The following ERBB4 variants were observed in gnomAD, a reference collection of about 807,000 sequenced individuals.
ERBB4 encodes the protein erb-b2 receptor tyrosine kinase 4, also known as receptor tyrosine-protein kinase erbB-4.
Under a neutral mutation model 158.0 loss-of-function variants are expected in ERBB4, and 42 were observed. The observed-to-expected ratio is 0.27, with a 90% CI of 0.21 to 0.34. The LOEUF is 0.34. ERBB4 is among the 10% of genes least tolerant of loss of function. The pLI, the probability that ERBB4 is intolerant of heterozygous loss-of-function variation, is 1.00. For synonymous variants in ERBB4, 583 were observed against 558.7 expected (o/e 1.04, Z -0.61); for missense variants, 1,333 against 1,624.1 (o/e 0.82, Z 3.08).
At chr2:211,550,594 T>TATATATATATATATATATAA (rs1256961213) in intron 20 of ERBB4, among the ~76,000 whole-genome samples, 6 of 145,270 alleles carry the variant, frequency 4.1e-5, no homozygotes, top group South Asian at 4.2e-4. Context: ...TATATATATA[T>TATATATATATATATATATAA]AAATATATAG....
intron 20 of ERBB4, among the ~76,000 whole-genome samples, chr2:211,481,474 A>C (rs1474502154): frequency 6.6e-6 from 1 of 152,130 alleles, no homozygotes; most frequent in Non-Finnish European, 1.5e-5. Flanking sequence ...ACTGAAGTTC[A>C]GGGAGCTGAA....
intron 3 of ERBB4, among the ~76,000 whole-genome samples, chr2:211,794,212 A>G (rs1370153282): frequency 6.6e-6 from 1 of 151,846 alleles, no homozygotes; most frequent in Non-Finnish European, 1.5e-5. Flanking sequence ...ATCCACTACA[A>G]TTCTTAGCTT....
intron 2 of ERBB4, among the ~76,000 whole-genome samples, chr2:212,014,673 C>G (rs2076466829): frequency 6.6e-6 from 1 of 152,080 alleles, no homozygotes; most frequent in Admixed American, 6.5e-5. Flanking sequence ...AACATGGAGA[C>G]ATAGCCTCTT....
chr2:211,746,380 G>A (rs1363606633), intron 5 of ERBB4, among the ~76,000 whole-genome samples: 1 of 152,190 alleles, frequency 6.6e-6, no homozygotes, highest in Non-Finnish European at 1.5e-5. Context: ...CACAGTGGCC[G>A]TTAAGCCAAT....
chr2:211,554,598 C>G (rs137905040), intron 20 of ERBB4, among the ~76,000 whole-genome samples: 1 of 152,336 alleles, frequency 6.6e-6, no homozygotes, highest in African/African-American at 2.4e-5. Context: ...TACTGTCTGC[C>G]TGTTGTCACA....
rs998011549 is a variant in ERBB4, at chr2:211,405,834, T to G, written c.3135+14607A>C. Among the ~76,000 whole-genome samples, 86 of 152,300 alleles carry G rather than the reference T, an allele frequency of 5.6e-4. 1 individual carries two copies. The highest frequency in any genetic ancestry group is 2.0e-3 in the African/African-American group (85 of 41,572). ...ATTCCTATCTAATGACTATATCTAC[T>G]TATGTTTTAAAATATTAATTACATC... is the stretch of plus-strand genomic sequence containing the variant. On this transcript the variant is annotated intron_variant, in intron 25 of 27. Coordinates refer to ENST00000342788, the MANE Select transcript of ERBB4 (RefSeq NM_005235.3).
At chr2:211,510,400 G>A (rs2065857466) in intron 20 of ERBB4, among the ~76,000 whole-genome samples, 1 of 151,992 alleles carries the variant, frequency 6.6e-6, no homozygotes, top group African/African-American at 2.4e-5. Flanking sequence ...TAAACTAGAA[G>A]CCCAAACCTC....
At chr2:211,767,824 G>T (rs1395068210) in intron 4 of ERBB4, among the ~76,000 whole-genome samples, 1 of 152,124 alleles carries the variant, frequency 6.6e-6, no homozygotes, top group Admixed American at 6.5e-5. Flanking sequence ...AGATTTGGGT[G>T]AGGACACAGC....
At chr2:211,964,715 T>A (rs2081266922) in intron 2 of ERBB4, among the ~76,000 whole-genome samples, 1 of 152,070 alleles carries the variant, frequency 6.6e-6, no homozygotes, top group African/African-American at 2.4e-5. Context: ...TTACCTCAAA[T>A]CCCTGTTAGA....
At chr2:211,833,172 C>A (rs888055181) in intron 3 of ERBB4, among the ~76,000 whole-genome samples, 1 of 152,086 alleles carries the variant, frequency 6.6e-6, no homozygotes, top group Admixed American at 6.6e-5. Flanking sequence ...ATCAGGATGA[C>A]CTTGGGTGCA....
chr2:212,013,292 G>A (rs1278650152), intron 2 of ERBB4, among the ~76,000 whole-genome samples: 6 of 152,140 alleles, frequency 3.9e-5, no homozygotes, highest in East Asian at 3.9e-4. Context: ...TTAACATTCC[G>A]AAGAAGATTA....
chr2:211,404,159 T>C (rs1477216523), intron 25 of ERBB4, among the ~76,000 whole-genome samples: 1 of 152,112 alleles, frequency 6.6e-6, no homozygotes, highest in Non-Finnish European at 1.5e-5. Context: ...TTCAGCGTTA[T>C]TTTTGCAACT....
At chr2:211,569,044 T>C (rs1189447160) in intron 19 of ERBB4, among the ~76,000 whole-genome samples, 1 of 152,212 alleles carries the variant, frequency 6.6e-6, no homozygotes, top group African/African-American at 2.4e-5. Flanking sequence ...TGTGTCCACA[T>C]TGCTCAGTAG....
chr2:211,613,562 C>A (rs528357953), intron 19 of ERBB4, among the ~76,000 whole-genome samples: 1 of 152,000 alleles, frequency 6.6e-6, no homozygotes, highest in African/African-American at 2.4e-5. Flanking sequence ...TCAAACAATT[C>A]TATACGAAAA....
rs2080690842 is a variant in ERBB4, at chr2:212,146,860, C to T, written c.83-21957G>A. On this transcript the variant is annotated intron_variant, in intron 1 of 27. Coordinates refer to ENST00000342788, the MANE Select transcript of ERBB4 (RefSeq NM_005235.3). ...TTCCCACCCAGTTATCCCTTAACAC[C>T]CAAGAATCTCTCTATCTAAAAAGGC... 4.6e-5 allele frequency among the ~76,000 whole-genome samples: 7 copies of T among 152,076 alleles called. No homozygotes were observed. The South Asian group carries it at 1.5e-3, about 32-fold the overall frequency.
At chr2:211,696,033 T>G in intron 12 of ERBB4, among the ~76,000 whole-genome samples, 1 of 143,668 alleles carries the variant, frequency 7.0e-6, no homozygotes, top group Admixed American at 6.9e-5. Flanking sequence ...TCTTCCTTCC[T>G]TCCCTCCTTC....
intron 3 of ERBB4, among the ~76,000 whole-genome samples, chr2:211,930,022 T>G (rs2080130545): frequency 6.6e-6 from 1 of 152,206 alleles, no homozygotes; most frequent in Non-Finnish European, 1.5e-5. Context: ...AACTTTGAAA[T>G]AGGTATGACC....
At chr2:212,352,572 G>T (rs2106343802) in intron 1 of ERBB4, among the ~76,000 whole-genome samples, 1 of 152,154 alleles carries the variant, frequency 6.6e-6, no homozygotes, top group African/African-American at 2.4e-5. Context: ...GAAATAAAAT[G>T]AATTTAATGA....
At chr2:211,953,465 CAAAAAAAAAA>C (rs36024345) in intron 2 of ERBB4, among the ~76,000 whole-genome samples, 1 of 85,576 alleles carries the variant, frequency 1.2e-5, no homozygotes, top group African/African-American at 4.0e-5. Context: ...GGTTTTTCTC[CAAAAAAAAAA>C]AAAAAAAAAA....
Sources: allele counts gnomAD v4.1 joint callset (sites outside exome capture counted in the v4.1 genomes callset), GRCh38; gene constraint gnomAD v4.1.1; transcripts MANE v1.5; gene names NCBI Gene and HGNC (gene_info 2026-07-23, HGNC 2026-07-21).